CHN2: variants seen among roughly 807,000 people sequenced by gnomAD.
CHN2 encodes chimerin 2, also known as beta-chimaerin.
Under a neutral mutation model 56.3 loss-of-function variants are expected in CHN2, and 35 were observed. The observed-to-expected ratio is 0.62, with a 90% confidence interval of 0.47 to 0.82. The LOEUF is 0.82. CHN2 is among the 40% of genes least tolerant of loss of function. The pLI is 0.00. For synonymous variants in CHN2, 210 were observed against 212.8 expected, an observed-to-expected ratio of 0.99 and a Z score of 0.12; for missense variants, 491 against 580.5, an observed-to-expected ratio of 0.85 and a Z score of 1.58.
chr7:29,398,421 C>T lies in CHN2; in HGVS notation c.225C>T (p.Gly75=), dbSNP rs144523240. ...SREQADELLG[G]VEGAYILRES... ...AGCAGGCGGATGAGCTTCTTGGAGG[C>T]GTGGAGGGTGCCTACATCCTTAGAG... The change falls in exon 5 of 13, where the codon GGC becomes GGT. Residue 75 remains glycine (G), a synonymous_variant. Transcript: ENST00000222792. 3.0e-4 allele frequency: 486 copies of T among 1,613,492 alleles called. No homozygotes were observed. The highest frequency in any genetic ancestry group is 3.8e-4 in the Non-Finnish European group (454 of 1,179,994).
In CHN2 at chr7:29,509,286, GC is replaced by G. The variant is rs1790989363; in HGVS notation, c.1130-14del. 6.3e-7 allele frequency: 1 copy of G among 1,599,096 alleles called. No homozygotes were observed. Among genetic ancestry groups the G allele is most frequent in the Non-Finnish European group, 8.6e-7 (1 of 1,166,600 alleles). On this transcript the variant is annotated splice_polypyrimidine_tract_variant and intron_variant, in intron 11 of 12. Coordinates refer to ENST00000222792, the MANE Select transcript of CHN2 (RefSeq NM_004067.4). ...CACACTCTGAACTAATACCCATCAT[GC>G]GTGAACTTCACAGAAATCTCCAATG...
intron 1 of CHN2, among the ~76,000 whole-genome samples, chr7:29,354,394 A>G (rs1161894548): frequency 6.6e-6 from 1 of 152,108 alleles, no homozygotes; most frequent in Non-Finnish European, 1.5e-5. Flanking sequence ...GAAAATTGTT[A>G]AGCAATTGAT....
chr7:29,487,763 C>A (rs1380592262), intron 7 of CHN2, among the ~76,000 whole-genome samples: 2 of 152,166 alleles, frequency 1.3e-5, no homozygotes, highest in Middle Eastern at 3.4e-3. Context: ...TCTCCTTCTC[C>A]CTCTCCTTCC....
rs149169908 is a variant in CHN2 at position 29,341,235 on chromosome 7, G to A, written c.50-13390G>A. On this transcript the variant is annotated intron_variant, in intron 1 of 12. Coordinates refer to ENST00000222792, the MANE Select transcript of CHN2 (RefSeq NM_004067.4). ...CTCCTTCACGTGTGGAGGTACAGTC[G>A]GTAGCCCTCTGATAGTCCGTCCAGT... is the stretch of plus-strand genomic sequence containing the variant. Among the ~76,000 whole-genome samples the A allele has an allele frequency of 2.8e-3, 407 of 143,508 alleles. 1 individual carries two copies. The highest frequency in any genetic ancestry group is 9.5e-3 in the African/African-American group (387 of 40,566). The allele number at this position is 143,508 out of a possible 152,430, so 94.1% of individuals were successfully genotyped here. A position where few individuals can be genotyped will look rare whatever the true frequency, so the allele number is the denominator to read the frequency against.
chr7:29,277,839 T>C (rs899759129), intron 1 of CHN2, among the ~76,000 whole-genome samples: 1 of 152,150 alleles, frequency 6.6e-6, no homozygotes, highest in Non-Finnish European at 1.5e-5. Context: ...CTCTTTTAGC[T>C]CCCATTTATT....
intron 6 of CHN2, among the ~76,000 whole-genome samples, chr7:29,454,999 G>T (rs905000795): frequency 6.6e-6 from 1 of 152,030 alleles, no homozygotes; most frequent in Non-Finnish European, 1.5e-5. Context: ...CCTTTTAGAG[G>T]CATCATAACC....
chr7:29,384,304 G>A (rs1019426508), intron 3 of CHN2, among the ~76,000 whole-genome samples: 10 of 152,286 alleles, frequency 6.6e-5, no homozygotes, highest in African/African-American at 2.4e-4. Flanking sequence ...TTTGGTGTAG[G>A]AAAAGATTAT....
intron 1 of CHN2, among the ~76,000 whole-genome samples, chr7:29,214,810 T>C (rs1785216934): frequency 6.6e-6 from 1 of 152,232 alleles, no homozygotes; most frequent in Non-Finnish European, 1.5e-5. Context: ...ATCCTGAACC[T>C]TATTTTTCTC....
chr7:29,406,412 AC>A (rs1397863633), intron 6 of CHN2, among the ~76,000 whole-genome samples: 2 of 152,044 alleles, frequency 1.3e-5, no homozygotes, highest in Non-Finnish European at 2.9e-5. Context: ...GTTGAGGGGT[AC>A]CTGTGAGCTG....
chr7:29,182,527 G>T (rs1798192202), intron 2 of CHN2, among the ~76,000 whole-genome samples: 1 of 152,176 alleles, frequency 6.6e-6, no homozygotes, highest in Admixed American at 6.5e-5. Context: ...AGTTTAGTCT[G>T]TATTACCCAC....
At chr7:29,229,978 AAAATAAAT>A (rs3046854) in intron 1 of CHN2, among the ~76,000 whole-genome samples, 1 of 149,652 alleles carries the variant, frequency 6.7e-6, no homozygotes, top group African/African-American at 2.5e-5. Flanking sequence ...CCCTGTCTCA[AAAATAAAT>A]AAATAAATAA....
intron 7 of CHN2, among the ~76,000 whole-genome samples, chr7:29,488,361 G>C (rs1788276391): frequency 6.6e-6 from 1 of 152,206 alleles, no homozygotes; most frequent in Admixed American, 6.5e-5. Context: ...CCTTGGCAGA[G>C]ATCTGGAAGC....
At chr7:29,464,871 G>T (rs1453487409) in intron 6 of CHN2, among the ~76,000 whole-genome samples, 2 of 152,186 alleles carry the variant, frequency 1.3e-5, no homozygotes, top group Non-Finnish European at 2.9e-5. Flanking sequence ...ACGTTCACAG[G>T]CTGCCCTGCT....
At chr7:29,472,272 T>TACACACACACACACACAC (rs113034467) in intron 6 of CHN2, among the ~76,000 whole-genome samples, 3 of 112,226 alleles carry the variant, frequency 2.7e-5, no homozygotes, top group Non-Finnish European at 6.7e-5. Flanking sequence ...CAAAACAAAA[T>TACACACACACACACACAC]ACACACACAC....
intron 1 of CHN2, among the ~76,000 whole-genome samples, chr7:29,281,540 C>T (rs1791715999): frequency 6.6e-6 from 1 of 152,136 alleles, no homozygotes; most frequent in Non-Finnish European, 1.5e-5. Flanking sequence ...ATGCTTGTTG[C>T]CAAATTTCTG....
At chr7:29,262,323 A>T (rs1007568802) in intron 1 of CHN2, among the ~76,000 whole-genome samples, 1 of 152,248 alleles carries the variant, frequency 6.6e-6, no homozygotes, top group Non-Finnish European at 1.5e-5. Context: ...ACAAATACAC[A>T]TAGTTGTTCT....
chr7:29,423,561 A>G (rs901024276), intron 6 of CHN2, among the ~76,000 whole-genome samples: 1 of 152,220 alleles, frequency 6.6e-6, no homozygotes, highest in Admixed American at 6.5e-5. Flanking sequence ...TGCTTCCCAG[A>G]AAACCTGGCC....
At chr7:29,341,060 G>C (rs1797019559) in intron 1 of CHN2, among the ~76,000 whole-genome samples, 1 of 152,208 alleles carries the variant, frequency 6.6e-6, no homozygotes, top group Non-Finnish European at 1.5e-5. Context: ...AGGCCCATGT[G>C]GGTCAAGGTT....
rs372355916 is a variant in CHN2 at position 29,266,998 on chromosome 7, G to A, written c.49+72008G>A. Among the ~76,000 whole-genome samples the A allele has an allele frequency of 1.8e-4, 27 of 152,234 alleles. No homozygotes were observed. The South Asian group carries it at 5.6e-3, about 32-fold the overall frequency. On this transcript the variant is annotated intron_variant, in intron 1 of 12. Coordinates refer to ENST00000222792, the MANE Select transcript of CHN2 (RefSeq NM_004067.4). ...ACTTTGTGTCTGAAGTCTTTTAATG[G>A]AAAGAATCAATATGGGTCCAATCCC...
Sources: allele counts gnomAD v4.1 joint callset (sites outside exome capture counted in the v4.1 genomes callset), GRCh38; gene constraint gnomAD v4.1.1; transcripts MANE v1.5; gene names NCBI Gene and HGNC (gene_info 2026-07-23, HGNC 2026-07-21).